HCN1: variants seen among roughly 807,000 people sequenced by gnomAD.
HCN1 encodes hyperpolarization activated cyclic nucleotide gated potassium channel 1, also known as potassium/sodium hyperpolarization-activated cyclic nucleotide-gated channel 1.
Under a neutral mutation model 78.9 loss-of-function variants are expected in HCN1, and 13 were observed. The ratio of observed to expected loss-of-function variants is 0.16; its 90% CI spans 0.11 to 0.26. The LOEUF (loss-of-function observed/expected upper bound fraction) is 0.26, where lower values mean the gene tolerates loss of function less well. HCN1 is among the 10% of genes least tolerant of loss of function. The pLI is 1.00. For synonymous variants in HCN1, 552 were observed against 455.5 expected, an observed-to-expected ratio of 1.21 and a Z score of -2.70; for missense variants, 810 against 1,154.3, an observed-to-expected ratio of 0.70 and a Z score of 4.32.
chr5:45,447,623 G>A (rs1561158831), intron 3 of HCN1, among the ~76,000 whole-genome samples: 1 of 152,104 alleles, frequency 6.6e-6, no homozygotes, highest in Non-Finnish European at 1.5e-5. Context: ...CTTCATCTTT[G>A]TTGATCTCAA....
At chr5:45,371,357 AATAAC>A (rs1747353161) in intron 4 of HCN1, among the ~76,000 whole-genome samples, 1 of 152,024 alleles carries the variant, frequency 6.6e-6, no homozygotes, top group Non-Finnish European at 1.5e-5. Context: ...TGAAAAAATT[AATAAC>A]ATAAGTCGAT....
intron 2 of HCN1, among the ~76,000 whole-genome samples, chr5:45,472,163 A>G (rs796481059): frequency 4.6e-5 from 7 of 152,032 alleles, no homozygotes; most frequent in Admixed American, 3.3e-4. Context: ...ACCCTTTAAC[A>G]TGATTGATCA....
At chr5:45,471,901 C>T (rs1397481344) in intron 2 of HCN1, among the ~76,000 whole-genome samples, 1 of 151,928 alleles carries the variant, frequency 6.6e-6, no homozygotes, top group South Asian at 2.1e-4. Flanking sequence ...ATTTACCTCA[C>T]ATTCAATCTT....
chr5:45,647,648 C>T (rs1457780947), intron 1 of HCN1, among the ~76,000 whole-genome samples: 1 of 152,140 alleles, frequency 6.6e-6, no homozygotes, highest in Non-Finnish European at 1.5e-5. Context: ...TAATCAGTAG[C>T]CCGTTAAATC....
chr5:45,502,749 C>T (rs2111736879), intron 2 of HCN1, among the ~76,000 whole-genome samples: 1 of 152,104 alleles, frequency 6.6e-6, no homozygotes, highest in Admixed American at 6.5e-5. Context: ...CAAATGTTAG[C>T]TATTAATAAT....
At chr5:45,515,678 G>A (rs763989907) in intron 2 of HCN1, among the ~76,000 whole-genome samples, 17 of 151,912 alleles carry the variant, frequency 1.1e-4, no homozygotes, top group Non-Finnish European at 1.3e-4. Context: ...TTCTACTAAC[G>A]TCCCACATAG....
intron 2 of HCN1, among the ~76,000 whole-genome samples, chr5:45,470,440 T>C (rs889909117): frequency 3.3e-5 from 5 of 151,848 alleles, no homozygotes; most frequent in African/African-American, 4.8e-5. Flanking sequence ...TAAGGAAGCA[T>C]TGGCAAATTT....
intron 6 of HCN1, among the ~76,000 whole-genome samples, chr5:45,289,277 C>T (rs2111881908): frequency 6.6e-6 from 1 of 152,060 alleles, no homozygotes; most frequent in African/African-American, 2.4e-5. Context: ...TATTACTTCA[C>T]CTTACTTTAC....
chr5:45,434,206 T>A (rs1579891973), intron 3 of HCN1, among the ~76,000 whole-genome samples: 1 of 152,238 alleles, frequency 6.6e-6, no homozygotes, highest in African/African-American at 2.4e-5. Flanking sequence ...TGATGCAACC[T>A]ATTTTCTCTC....
intron 5 of HCN1, among the ~76,000 whole-genome samples, chr5:45,334,274 A>C (rs775458459): frequency 1.9e-4 from 29 of 151,850 alleles, no homozygotes; most frequent in Non-Finnish European, 3.5e-4. Context: ...GATTTTGGAA[A>C]TACAGGCATG....
At chr5:45,654,365 T>G (rs1418286460) in intron 1 of HCN1, among the ~76,000 whole-genome samples, 2 of 152,132 alleles carry the variant, frequency 1.3e-5, no homozygotes, top group African/African-American at 4.8e-5. Flanking sequence ...GCTCCTGGTG[T>G]TTAAATTTAG....
chr5:45,372,337 T>A (rs1747415777), intron 4 of HCN1, among the ~76,000 whole-genome samples: 1 of 103,540 alleles, frequency 9.7e-6, no homozygotes, highest in Non-Finnish European at 1.7e-5. Context: ...ATATAATATA[T>A]ATCATATATA....
intron 2 of HCN1, among the ~76,000 whole-genome samples, chr5:45,509,467 C>T (rs531391051): frequency 6.6e-6 from 1 of 152,276 alleles, no homozygotes. Context: ...AGCCTGCATG[C>T]TGCAGGTTGA....
chr5:45,294,565 ATAT>A (rs1745448250), intron 6 of HCN1, among the ~76,000 whole-genome samples: 2 of 151,998 alleles, frequency 1.3e-5, no homozygotes, highest in Admixed American at 6.6e-5. Flanking sequence ...AGTAAAGGAG[ATAT>A]TAATAATAAT....
At chr5:45,390,671 G>T (rs985194116) in intron 4 of HCN1, among the ~76,000 whole-genome samples, 5 of 152,102 alleles carry the variant, frequency 3.3e-5, no homozygotes, top group Non-Finnish European at 7.4e-5. Flanking sequence ...GATGCCATAT[G>T]CCACAGTGGG....
chr5:45,565,570 C>A (rs1743692300), intron 2 of HCN1, among the ~76,000 whole-genome samples: 1 of 151,994 alleles, frequency 6.6e-6, no homozygotes, highest in African/African-American at 2.4e-5. Flanking sequence ...CACCTGTAAT[C>A]CCAGCATTTT....
chr5:45,671,774 A>T (rs892480840), intron 1 of HCN1, among the ~76,000 whole-genome samples: 2 of 151,624 alleles, frequency 1.3e-5, no homozygotes, highest in Non-Finnish European at 3.0e-5. Context: ...ATATTTTATA[A>T]GTCTGACATG....
chr5:45,300,230 G>A (rs899515229), intron 6 of HCN1, among the ~76,000 whole-genome samples: 1 of 151,888 alleles, frequency 6.6e-6, no homozygotes, highest in South Asian at 2.1e-4. Context: ...TCCAGAAACT[G>A]ACTCAAAGAC....
chr5:45,549,378 C>G (rs996281335), intron 2 of HCN1, among the ~76,000 whole-genome samples: 4 of 151,906 alleles, frequency 2.6e-5, no homozygotes, highest in African/African-American at 9.7e-5. Flanking sequence ...ACAAACCTGA[C>G]AAAAACAAGA....
Sources: gnomAD v4.1 joint callset for allele counts (sites outside exome capture counted in the v4.1 genomes callset) on GRCh38, gnomAD v4.1.1 for gene constraint, MANE v1.5 for transcripts, NCBI Gene and HGNC (gene_info 2026-07-23, HGNC 2026-07-21) for gene names.